PBX3: variants seen among roughly 807,000 people sequenced by gnomAD.
PBX3 encodes PBX homeobox 3.
Under a neutral mutation model 48.5 loss-of-function variants are expected in PBX3, and 14 were observed. That is an observed-to-expected ratio of 0.29 (90% confidence interval 0.19 to 0.45). The LOEUF (loss-of-function observed/expected upper bound fraction) is 0.45. PBX3 is among the 20% of genes least tolerant of loss of function. The pLI, the probability that PBX3 is intolerant of heterozygous loss-of-function variation, is 1.00. For synonymous variants in PBX3, 210 were observed against 200.3 expected, an observed-to-expected ratio of 1.05 and a Z score of -0.41; for missense variants, 386 against 546.7, an observed-to-expected ratio of 0.71 and a Z score of 2.93.
chr9:125,889,575 C>T (rs1840585329), intron 2 of PBX3, among the ~76,000 whole-genome samples: 1 of 152,190 alleles, frequency 6.6e-6, no homozygotes, highest in African/African-American at 2.4e-5. Context: ...GAGTCCCTGA[C>T]AGGCTGATTT....
At chr9:125,926,783 G>C (rs563639371) in intron 3 of PBX3, among the ~76,000 whole-genome samples, 2 of 152,322 alleles carry the variant, frequency 1.3e-5, no homozygotes, top group South Asian at 4.1e-4. Context: ...TCGTGCCATT[G>C]CACCACAGCC....
chr9:125,864,031 T>C (rs370044759), intron 2 of PBX3, among the ~76,000 whole-genome samples: 68 of 152,238 alleles, frequency 4.5e-4, no homozygotes, highest in African/African-American at 1.6e-3. Flanking sequence ...CATGGAACAA[T>C]TGAAGGATAA....
intron 2 of PBX3, among the ~76,000 whole-genome samples, chr9:125,875,662 C>T (rs1840230891): frequency 6.6e-6 from 1 of 152,108 alleles, no homozygotes; most frequent in African/African-American, 2.4e-5. Flanking sequence ...CTTCTGCCGC[C>T]ACCTCGCTTT....
At chr9:125,932,049 A>G (rs1423566497) in intron 4 of PBX3, among the ~76,000 whole-genome samples, 2 of 152,204 alleles carry the variant, frequency 1.3e-5, no homozygotes, top group Non-Finnish European at 2.9e-5. Context: ...GAAATGCTTC[A>G]TGGAATTATG....
Position 125,791,297 on chromosome 9 carries a change from G to GCCTATCTA in PBX3, c.274+42674_274+42675insCCTATCTA, listed in dbSNP as rs1837596904. 2.3e-5 allele frequency among the ~76,000 whole-genome samples: 3 copies of GCCTATCTA among 128,060 alleles called. No individual in the cohort carries two copies. The South Asian group carries it at 7.0e-4, about 30-fold the overall frequency. The allele number at this position is 128,060 out of a possible 152,430, so 84.0% of individuals were successfully genotyped here. ...TACATTTTTATCTGTCTGTCTGTCTGTCTGTCTATCTATCTATCTATCTAT... is the reference window on the plus strand; with the variant it reads ...TACATTTTTATCTGTCTGTCTGTCTGCCTATCTATCTGTCTATCTATCTATCTATCTAT... On this transcript the variant is annotated intron_variant, in intron 2 of 8. Transcript: ENST00000373489.
Position 125,889,216 on chromosome 9 carries a change from A to G in PBX3, c.275-26470A>G, listed in dbSNP as rs550690928. 2.2e-4 allele frequency among the ~76,000 whole-genome samples: 33 copies of G among 152,120 alleles called. 1 individual carries two copies. The highest frequency in any genetic ancestry group is 3.9e-4 in the Admixed American group (6 of 15,280). On this transcript the variant is annotated intron_variant, in intron 2 of 8. Transcript: ENST00000373489. ...CACATCCCCGTGGTTTCTTGGAATA[A>G]CTCACTGACCCGTGGAGAGCTGTCT...
At chr9:125,965,364 C>G (rs1842508974) in intron 8 of PBX3, among the ~76,000 whole-genome samples, 1 of 152,098 alleles carries the variant, frequency 6.6e-6, no homozygotes, top group East Asian at 1.9e-4. Context: ...CTTCACTTTC[C>G]AAGGGTTACA....
chr9:125,939,785 A>G (rs974401618), intron 5 of PBX3, among the ~76,000 whole-genome samples: 3 of 152,248 alleles, frequency 2.0e-5, no homozygotes, highest in Middle Eastern at 3.2e-3. Flanking sequence ...TGTTGAGTGA[A>G]AAATGCAAAT....
chr9:125,867,324 A>C (rs1225471639), intron 2 of PBX3, among the ~76,000 whole-genome samples: 1 of 152,172 alleles, frequency 6.6e-6, no homozygotes, highest in Non-Finnish European at 1.5e-5. Context: ...AGGAATAACT[A>C]TTCAAGTGTA....
At chr9:125,754,924 CAACTT>C (rs1836472145) in intron 2 of PBX3, among the ~76,000 whole-genome samples, 2 of 152,152 alleles carry the variant, frequency 1.3e-5, no homozygotes, top group East Asian at 3.9e-4. Flanking sequence ...CTACTTCTTT[CAACTT>C]AAGTGCTTTA....
chr9:125,842,755 G>A (rs1839322040), intron 2 of PBX3, among the ~76,000 whole-genome samples: 1 of 152,076 alleles, frequency 6.6e-6, no homozygotes. Context: ...CAATTTTGTG[G>A]GCTTTGCCTC....
chr9:125,936,630 A>C (rs1001173420), intron 5 of PBX3, among the ~76,000 whole-genome samples: 1 of 152,210 alleles, frequency 6.6e-6, no homozygotes, highest in Non-Finnish European at 1.5e-5. Flanking sequence ...TTGAGGGAAT[A>C]GGGCCTGGGT....
chr9:125,868,410 A>G (rs1425496447), intron 2 of PBX3, among the ~76,000 whole-genome samples: 1 of 152,220 alleles, frequency 6.6e-6, no homozygotes, highest in Non-Finnish European at 1.5e-5. Flanking sequence ...CTCACCTGGC[A>G]TAGAACACTT....
intron 3 of PBX3, among the ~76,000 whole-genome samples, chr9:125,929,055 C>T (rs1322575201): frequency 6.6e-6 from 1 of 152,228 alleles, no homozygotes; most frequent in East Asian, 1.9e-4. Flanking sequence ...TGACTTCCAT[C>T]TTTATCCACC....
At chr9:125,758,721 A>C (rs933047291) in intron 2 of PBX3, among the ~76,000 whole-genome samples, 1 of 152,168 alleles carries the variant, frequency 6.6e-6, no homozygotes, top group Non-Finnish European at 1.5e-5. Context: ...TCTCCCCTCC[A>C]GAAGATTCCA....
chr9:125,894,408 C>G (rs950399982), intron 2 of PBX3, among the ~76,000 whole-genome samples: 1 of 151,840 alleles, frequency 6.6e-6, no homozygotes, highest in African/African-American at 2.4e-5. Flanking sequence ...AAAATAAATC[C>G]ATTTTTTAAC....
intron 2 of PBX3, among the ~76,000 whole-genome samples, chr9:125,827,878 G>C (rs1291827449): frequency 6.6e-6 from 1 of 152,102 alleles, no homozygotes; most frequent in Non-Finnish European, 1.5e-5. Flanking sequence ...AACTTTATCT[G>C]ATGTTGCCAA....
chr9:125,821,000 A>G (rs1488186229), intron 2 of PBX3, among the ~76,000 whole-genome samples: 2 of 152,214 alleles, frequency 1.3e-5, no homozygotes, highest in African/African-American at 4.8e-5. Flanking sequence ...AAATGTAATC[A>G]TAGTTTAGGT....
chr9:125,945,156 G>A (rs773281275), intron 5 of PBX3, among the ~76,000 whole-genome samples: 11 of 151,958 alleles, frequency 7.2e-5, no homozygotes, highest in African/African-American at 1.2e-4. Context: ...TCCAGGAGGC[G>A]GAGTTTGCAG....
Sources: gnomAD v4.1 joint callset for allele counts (sites outside exome capture counted in the v4.1 genomes callset) on GRCh38, gnomAD v4.1.1 for gene constraint, MANE v1.5 for transcripts, NCBI Gene and HGNC (gene_info 2026-07-23, HGNC 2026-07-21) for gene names.